The following FLI1 variants were observed in gnomAD, a reference collection of about 807,000 sequenced individuals.
FLI1 encodes Friend leukemia integration 1 transcription factor.
FLI1 carries 13 observed loss-of-function variants against 53.1 expected under a neutral mutation model. That is an observed-to-expected ratio of 0.24 (90% CI 0.16 to 0.39). FLI1 has a LOEUF of 0.39. Ranked by LOEUF, FLI1 falls within the 10% of genes least tolerant of loss-of-function variation. The pLI, the probability that FLI1 is intolerant of heterozygous loss-of-function variation, is 1.00. For synonymous variants in FLI1, 244 were observed against 236.7 expected, an observed-to-expected ratio of 1.03 and a Z score of -0.28; for missense variants, 424 against 600.5, an observed-to-expected ratio of 0.71 and a Z score of 3.07.
chr11:128,807,338 T>C (rs1942810027), intron 7 of FLI1, 99 bp downstream of exon 7: 2 of 714,694 alleles, frequency 2.8e-6, no homozygotes, highest in South Asian at 2.6e-5. Flanking sequence ...ACCACATATG[T>C]TTTCTCTTAT....
chr11:128,791,415 C>T (rs1591816792), intron 5 of FLI1, among the ~76,000 whole-genome samples: 1 of 152,304 alleles, frequency 6.6e-6, no homozygotes, highest in East Asian at 1.9e-4. Flanking sequence ...CAGACAGCAT[C>T]ACCTCATTAC....
At chr11:128,780,142 A>G (rs1016055079) in intron 4 of FLI1, among the ~76,000 whole-genome samples, 3 of 152,208 alleles carry the variant, frequency 2.0e-5, no homozygotes, top group African/African-American at 7.2e-5. Context: ...AACCAAATGT[A>G]GCTGGCTCTT....
chr11:128,722,420 C>G (rs143600967), intron 1 of FLI1, among the ~76,000 whole-genome samples: 1 of 152,304 alleles, frequency 6.6e-6, no homozygotes, highest in East Asian at 1.9e-4. Context: ...TTATGGACAC[C>G]TTGGCTGCTT....
At chr11:128,790,835 G>T (rs553145603) in intron 5 of FLI1, among the ~76,000 whole-genome samples, 17 of 152,254 alleles carry the variant, frequency 1.1e-4, no homozygotes, top group Admixed American at 6.5e-4. Context: ...ATTCTCCCCA[G>T]TTTCTGTGTT....
rs1334622147 is a variant in FLI1 at position 128,810,899 on chromosome 11, A to G, written c.1270A>G (p.Thr424Ala). Residue 424 changes from threonine (T) to alanine (A), a missense_variant, in exon 9 of 9, where the codon ACC (threonine) becomes GCC (alanine). By Grantham distance (58) the Thr-to-Ala change is moderately conservative. Around this residue, in one of 5 missense-constraint regions of FLI1, gnomAD observed 87 missense variants for 100.0 expected, o/e 0.87. Transcript: ENST00000527786. This position sits in a 1 kb window ranked among gnomAD's most constrained non-coding sequence, Gnocchi z 6.6. ...SFFGAASQYW[T>A]SPTGGIYPNP... The stretch of plus-strand genomic sequence containing the variant: ...CTTTGGAGCCGCATCACAATACTGG[A>G]CCTCCCCCACGGGGGGAATCTACCC... The G allele has an allele frequency of 6.2e-7, 1 of 1,613,044 alleles. No individual in the cohort carries two copies. The highest frequency in any genetic ancestry group is 8.5e-7 in the Non-Finnish European group (1 of 1,179,696).
At chr11:128,724,281 A>G (rs1207544433) in intron 1 of FLI1, among the ~76,000 whole-genome samples, 14 of 152,286 alleles carry the variant, frequency 9.2e-5, no homozygotes, top group Non-Finnish European at 2.9e-5. Context: ...AATTTACCAG[A>G]CAGGGTATTC....
At chr11:128,700,192 C>G (rs1780665470) in intron 1 of FLI1, among the ~76,000 whole-genome samples, 1 of 152,186 alleles carries the variant, frequency 6.6e-6, no homozygotes, top group African/African-American at 2.4e-5. Context: ...AGATCACTGG[C>G]CCACACACTC....
At chr11:128,764,918 C>T in intron 2 of FLI1, 1 of 1,306,580 alleles carries the variant, frequency 7.7e-7, no homozygotes, top group Non-Finnish European at 1.1e-6. Context: ...TCCCTAAGGA[C>T]ACCCGCCTGC....
At chr11:128,725,786 GA>G (rs926664705) in intron 1 of FLI1, among the ~76,000 whole-genome samples, 1 of 152,088 alleles carries the variant, frequency 6.6e-6, no homozygotes, top group African/African-American at 2.4e-5. Flanking sequence ...CCCGTCTTGT[GA>G]AAACTGTGTG....
At chr11:128,700,660 G>A (rs1938288420) in intron 1 of FLI1, among the ~76,000 whole-genome samples, 1 of 152,152 alleles carries the variant, frequency 6.6e-6, no homozygotes, top group African/African-American at 2.4e-5. Flanking sequence ...GATCACTTGA[G>A]CCCAGGAATT....
At chr11:128,720,467 G>A (rs961447965) in intron 1 of FLI1, among the ~76,000 whole-genome samples, 1 of 152,138 alleles carries the variant, frequency 6.6e-6, no homozygotes, top group Non-Finnish European at 1.5e-5. Context: ...AAGTCACAAA[G>A]TCCCCCTAGA....
At chr11:128,686,274 C>A, upstream of FLI1, 1 of 453,014 alleles carries the variant, frequency 2.2e-6, no homozygotes, top group Non-Finnish European at 4.4e-6. Context: ...AGAACTAGAA[C>A]ATCCTGGTTT....
intron 2 of FLI1, among the ~76,000 whole-genome samples, chr11:128,766,942 G>T (rs535202648): frequency 5.3e-5 from 6 of 113,346 alleles, no homozygotes; most frequent in Admixed American, 1.7e-4. Context: ...TATAATGGCG[G>T]CTACAGCTTC....
At chr11:128,694,916 C>G (rs1260566066) in intron 1 of FLI1, among the ~76,000 whole-genome samples, 2 of 152,178 alleles carry the variant, frequency 1.3e-5, no homozygotes, top group African/African-American at 4.8e-5. Flanking sequence ...GGAGAGCCGC[C>G]GGCTCCGCGG....
intron 4 of FLI1, among the ~76,000 whole-genome samples, chr11:128,776,965 C>T (rs1242696543): frequency 1.3e-5 from 2 of 152,156 alleles, no homozygotes; most frequent in South Asian, 2.1e-4. Context: ...GAGATAAATG[C>T]TTTCCAAAAA....
chr11:128,729,962 C>T (rs1386488806), intron 1 of FLI1, among the ~76,000 whole-genome samples: 1 of 152,216 alleles, frequency 6.6e-6, no homozygotes, highest in Non-Finnish European at 1.5e-5. Context: ...TTAGGGAGTG[C>T]TCTGAGGAAA....
chr11:128,690,162 G>T (rs1447192193), upstream of FLI1, among the ~76,000 whole-genome samples: 7 of 152,160 alleles, frequency 4.6e-5, no homozygotes, highest in Admixed American at 3.3e-4. Context: ...GGCCTCGAGC[G>T]AGAGGCCAGA....
intron 5 of FLI1, among the ~76,000 whole-genome samples, chr11:128,783,024 A>G (rs753853133): frequency 6.6e-6 from 1 of 152,214 alleles, no homozygotes; most frequent in Non-Finnish European, 1.5e-5. Context: ...AATTCCACAG[A>G]GGAGGGGACT....
intron 1 of FLI1, among the ~76,000 whole-genome samples, chr11:128,701,381 C>G (rs1408814341): frequency 6.6e-6 from 1 of 152,106 alleles, no homozygotes; most frequent in African/African-American, 2.4e-5. Flanking sequence ...GGCCTTCAGA[C>G]AAGTCTGACA....
Sources: allele counts gnomAD v4.1 joint callset (sites outside exome capture counted in the v4.1 genomes callset), GRCh38; gene constraint gnomAD v4.1.1; regional missense constraint gnomAD v4.1.1; non-coding constraint Gnocchi (gnomAD v3.1); transcripts MANE v1.5; gene names NCBI Gene and HGNC (gene_info 2026-07-23, HGNC 2026-07-21).